The following INSR variants were observed in gnomAD, a reference collection of about 807,000 sequenced individuals.
The protein encoded by INSR is IR.
Under a neutral mutation model 142.6 loss-of-function variants are expected in INSR, and 67 were observed. That is an observed-to-expected ratio of 0.47 (90% CI 0.39 to 0.58). The LOEUF (loss-of-function observed/expected upper bound fraction) is 0.58, where lower values mean the gene tolerates loss of function less well. INSR is among the 20% of genes least tolerant of loss of function. INSR has a pLI of 0.00. For missense variants in INSR, 1,248 were observed against 1,833.2 expected (o/e 0.68, Z 5.83); for synonymous variants, 756 against 743.1 (o/e 1.02, Z -0.28).
Position 7,125,271 on chromosome 19 carries a change from C to T in INSR, c.3258+12G>A. 6 of 1,613,918 alleles carry T rather than the reference C, an allele frequency of 3.7e-6. No homozygotes were observed. Among genetic ancestry groups the T allele is most frequent in the Non-Finnish European group, 5.1e-6 (6 of 1,180,012 alleles). On this transcript the variant is annotated intron_variant, in intron 17 of 21. Transcript: ENST00000302850. The surrounding 1 kb of genome is among the most constrained non-coding windows in gnomAD (Gnocchi z 4.9). ...GGAAAGCCAGCCCATGTCCCACCCC[C>T]ACTGGACTCACCACGTGATGGCAGG...
In INSR at chr19:7,116,954, G is replaced by T. The variant is rs765415858; in HGVS notation, c.*102C>A. The T allele has an allele frequency of 1.7e-5, 16 of 926,670 alleles. No homozygotes were observed. The highest frequency in any genetic ancestry group is 2.9e-5 in the Non-Finnish European group (16 of 553,924). 57.4% of individuals were successfully genotyped at this position (926,670 alleles called of 1,614,324 possible). On this transcript the variant is annotated 3_prime_UTR_variant, in exon 22 of 22. Transcript: ENST00000302850. ...ATAGGAACGATCTCTGAACTCCATT[G>T]GACATGGTAGAGTCGTGAGAATCCT...
intron 1 of INSR, among the ~76,000 whole-genome samples, chr19:7,291,534 G>A (rs141213259): frequency 6.6e-5 from 10 of 152,280 alleles, no homozygotes; most frequent in Non-Finnish European, 1.2e-4. Flanking sequence ...CCCCACTGCA[G>A]AACAAATATT....
intron 2 of INSR, among the ~76,000 whole-genome samples, chr19:7,193,686 T>G (rs926230940): frequency 2.6e-5 from 4 of 151,970 alleles, no homozygotes; most frequent in South Asian, 4.2e-4. Context: ...TCAAGTAGCT[T>G]CTTCTTTCAT....
rs762914829 is a variant in INSR at position 7,154,300 on chromosome 19, C to CTTT, written c.2030-1376_2030-1374dup. On this transcript the variant is annotated intron_variant, in intron 9 of 21. Transcript: ENST00000302850. Reference sequence around the variant, plus strand: ...AAGTAATGGCAAAAAACCACAATTACTTTTTTTTTTTTTTTTTTTTGAGAT... The same window carrying CTTT: ...AAGTAATGGCAAAAAACCACAATTACTTTTTTTTTTTTTTTTTTTTTTTGAGAT... Among the ~76,000 whole-genome samples the CTTT allele has an allele frequency of 1.8e-3, 192 of 107,298 alleles. 6 individuals carry two copies. Among genetic ancestry groups the CTTT allele is most frequent in the South Asian group, 5.1e-3 (16 of 3,126 alleles). 70.4% of individuals were successfully genotyped at this position (107,298 alleles called of 152,430 possible).
At chr19:7,254,811 C>T (rs924334096) in intron 2 of INSR, among the ~76,000 whole-genome samples, 6 of 152,178 alleles carry the variant, frequency 3.9e-5, no homozygotes, top group East Asian at 1.9e-4. Flanking sequence ...GACAAAGGGT[C>T]GGGTGACATG....
rs1385331011 is a variant in INSR, at chr19:7,225,998, C to T, written c.652+41347G>A. On this transcript the variant is annotated intron_variant, in intron 2 of 21. Coordinates refer to ENST00000302850, the MANE Select transcript of INSR (RefSeq NM_000208.4). This position sits in a 1 kb window ranked among gnomAD's most constrained non-coding sequence, Gnocchi z 4.7. ...AACCCCGTCCCGGAATGAGAAGCCCCTCTCCTCCACCACATCAAAGCCAAG... is the reference window on the plus strand; with the variant it reads ...AACCCCGTCCCGGAATGAGAAGCCCTTCTCCTCCACCACATCAAAGCCAAG... Among the ~76,000 whole-genome samples, 1 of 152,212 alleles carries T rather than the reference C, an allele frequency of 6.6e-6. No homozygotes were observed. Among genetic ancestry groups the T allele is most frequent in the African/African-American group, 2.4e-5 (1 of 41,448 alleles).
At chr19:7,260,383 T>G (rs1164260576) in intron 2 of INSR, among the ~76,000 whole-genome samples, 1 of 152,086 alleles carries the variant, frequency 6.6e-6, no homozygotes, top group East Asian at 1.9e-4. Context: ...AAAATGCCAG[T>G]GGGTTTGGCT....
Position 7,293,887 on chromosome 19 carries a change from G to T in INSR, c.5C>A (p.Ala2Asp). The T allele has an allele frequency of 1.6e-6, 2 of 1,227,924 alleles. No homozygotes were observed. The allele number at this position is 1,227,924 out of a possible 1,614,324, so 76.1% of individuals were successfully genotyped here. ...CGCCGCCCCCCGCCGGCCCCCGGTG[G>T]CCATGGCTGCGGGAGCGCGGGGTCT... M[A>D]TGGRRGAAAA... The change falls in exon 1 of 22, where the codon GCC (alanine) becomes GAC (aspartate). Residue 2 changes from alanine (A) to aspartate (D), a missense_variant. Around this residue, in one of 3 missense-constraint regions of INSR, gnomAD observed 57 missense variants for 49.5 expected, o/e 1.15. Coordinates refer to ENST00000302850, the MANE Select transcript of INSR (RefSeq NM_000208.4).
chr19:7,200,672 C>T (rs1372595384), intron 2 of INSR, among the ~76,000 whole-genome samples: 2 of 151,816 alleles, frequency 1.3e-5, no homozygotes, highest in African/African-American at 4.8e-5. Context: ...GACCTCATCT[C>T]TATTTCTTAA....
intron 4 of INSR, among the ~76,000 whole-genome samples, chr19:7,174,275 G>A (rs1024189084): frequency 6.6e-6 from 1 of 151,032 alleles, no homozygotes; most frequent in South Asian, 2.1e-4. Context: ...CTGGGCAATG[G>A]AGCAAGACCC....
rs544894555 is a variant in INSR, at chr19:7,293,770, A to G, written c.100+22T>C. 4.9e-4 allele frequency: 653 copies of G among 1,319,674 alleles called. 3 individuals are homozygous for G. The African/African-American group carries it at 9.3e-3, about 19-fold the overall frequency. 81.7% of individuals were successfully genotyped at this position (1,319,674 alleles called of 1,614,324 possible). The stretch of plus-strand genomic sequence containing the variant: ...CTCCCCATCGCGGCGCTCCCCGCCC[A>G]CGCCCGCGCCCCCAGACTCACCCTC... On this transcript the variant is annotated intron_variant, in intron 1 of 21. Transcript: ENST00000302850.
chr19:7,197,706 G>A (rs1311352936), intron 2 of INSR, among the ~76,000 whole-genome samples: 1 of 138,048 alleles, frequency 7.2e-6, no homozygotes, highest in African/African-American at 2.8e-5. Flanking sequence ...TGTTTGGCAG[G>A]TTCCAGAGTG....
At chr19:7,292,664 C>T (rs1023381179) in intron 1 of INSR, among the ~76,000 whole-genome samples, 1 of 152,160 alleles carries the variant, frequency 6.6e-6, no homozygotes, top group Non-Finnish European at 1.5e-5. Flanking sequence ...AAATCTGAAA[C>T]AGTAACCCAA....
chr19:7,174,117 T>A (rs562054310), intron 4 of INSR, among the ~76,000 whole-genome samples: 1 of 148,678 alleles, frequency 6.7e-6, no homozygotes, highest in East Asian at 2.0e-4. Flanking sequence ...AACCTGGCCC[T>A]GGAAAAAAAT....
chr19:7,128,942 G>A lies in INSR; in HGVS notation c.2855C>T (p.Ser952Leu), dbSNP rs533254875. 5 of 1,611,118 alleles carry A rather than the reference G, an allele frequency of 3.1e-6. No individual in the cohort carries two copies. In the African/African-American group the frequency reaches 5.3e-5, roughly 17 times the overall value. ...GCCGATGATAATTTTTGCAATATTT[G>A]ACGGGACGTCTACTGAAATAGAATA... Reference protein sequence around the residue: ...FYVTDYLDVPSNIAKIIIGPL... With the variant: ...FYVTDYLDVPLNIAKIIIGPL... Residue 952 changes from serine (S) to leucine (L), a missense_variant, in exon 15 of 22, where the codon TCA (serine) becomes TTA (leucine). By Grantham distance (145) the Ser-to-Leu change is moderately radical. This residue lies in a region of INSR where 1,069 missense variants were observed against 1,654.0 expected (regional missense o/e 0.65). Transcript: ENST00000302850.
intron 9 of INSR, among the ~76,000 whole-genome samples, chr19:7,158,297 G>A (rs1204086805): frequency 2.0e-5 from 3 of 151,784 alleles, no homozygotes; most frequent in South Asian, 2.1e-4. Flanking sequence ...TCAGGAGATC[G>A]AGACCATCCT....
At chr19:7,259,272 T>C (rs570938979) in intron 2 of INSR, among the ~76,000 whole-genome samples, 1 of 123,790 alleles carries the variant, frequency 8.1e-6, no homozygotes, top group Non-Finnish European at 1.9e-5. Flanking sequence ...GGTAAAGAGC[T>C]TGGATTCTGA....
At chr19:7,137,340 C>T (rs16990074) in intron 13 of INSR, among the ~76,000 whole-genome samples, 2,557 of 151,812 alleles carry the variant, frequency 0.017, 35 homozygotes, top group East Asian at 0.041. Flanking sequence ...TGATTGGGCA[C>T]TGGATGTCAC....
At chr19:7,141,900 G>A (rs1794308895) in intron 12 of INSR, 84 bp from the exon 13 acceptor site, 2 of 1,098,624 alleles carry the variant, frequency 1.8e-6, no homozygotes, top group Non-Finnish European at 2.8e-6. Flanking sequence ...GCAACCTTGG[G>A]CTGGTGACGT....
Sources: gnomAD v4.1 joint callset for allele counts (sites outside exome capture counted in the v4.1 genomes callset) on GRCh38, gnomAD v4.1.1 for gene constraint, gnomAD v4.1.1 regional missense constraint, Gnocchi (gnomAD v3.1) non-coding constraint, MANE v1.5 for transcripts, NCBI Gene and HGNC (gene_info 2026-07-23, HGNC 2026-07-21) for gene names.